Variants in GRM7 observed in about 807,000 individuals in gnomAD.
GRM7 encodes glutamate metabotropic receptor 7, also known as metabotropic glutamate receptor 7.
In GRM7, 35 loss-of-function variants were observed where a neutral mutation model predicts 84.5. That is an observed-to-expected ratio of 0.41 (90% CI 0.32 to 0.55). The LOEUF is 0.55. GRM7 is among the 20% of genes least tolerant of loss of function. The pLI, the probability that GRM7 is intolerant of heterozygous loss-of-function variation, is 0.19. For synonymous variants in GRM7, 487 were observed against 455.1 expected (o/e 1.07, Z -0.89); for missense variants, 1,003 against 1,194.6 (o/e 0.84, Z 2.36).
chr3:7,408,574 A>G (rs1236688104), intron 4 of GRM7, among the ~76,000 whole-genome samples: 2 of 152,136 alleles, frequency 1.3e-5, no homozygotes, highest in African/African-American at 4.8e-5. Context: ...TTTAACTTCA[A>G]TTTACATCAG....
intron 1 of GRM7, among the ~76,000 whole-genome samples, chr3:6,968,670 C>T (rs572191253): frequency 1.3e-5 from 2 of 152,190 alleles, no homozygotes; most frequent in East Asian, 3.9e-4. Context: ...TTTTTCCCTT[C>T]CTTTTCAGAG....
At chr3:7,292,315 G>T (rs1699659854) in intron 2 of GRM7, among the ~76,000 whole-genome samples, 1 of 152,116 alleles carries the variant, frequency 6.6e-6, no homozygotes, top group Non-Finnish European at 1.5e-5. Context: ...AAGACGTGTT[G>T]TATGTACCTT....
intron 1 of GRM7, among the ~76,000 whole-genome samples, chr3:6,927,465 GAAAGAAAGAA>G (rs568881029): frequency 0.11 from 11,922 of 112,480 alleles, 819 homozygotes; most frequent in East Asian, 0.23. Flanking sequence ...AAGAGAGAGA[GAAAGAAAGAA>G]AGAAAGAAAG....
intron 9 of GRM7, among the ~76,000 whole-genome samples, chr3:7,714,143 T>A (rs1358586968): frequency 6.6e-6 from 1 of 152,212 alleles, no homozygotes; most frequent in Admixed American, 6.5e-5. Context: ...CAAAACACTC[T>A]ACAGAGCTGT....
intron 4 of GRM7, among the ~76,000 whole-genome samples, chr3:7,392,588 G>T (rs1695044756): frequency 1.3e-5 from 2 of 152,226 alleles, no homozygotes; most frequent in South Asian, 4.1e-4. Context: ...ACTGTGGCAA[G>T]TGCATTCTGC....
intron 1 of GRM7, among the ~76,000 whole-genome samples, chr3:7,029,582 C>G (rs1242162662): frequency 6.6e-6 from 1 of 152,110 alleles, no homozygotes; most frequent in East Asian, 1.9e-4. Context: ...AAGTACCTTG[C>G]AAAGGGTAAT....
chr3:7,711,339 C>T (rs541151699), intron 9 of GRM7, among the ~76,000 whole-genome samples: 2 of 152,204 alleles, frequency 1.3e-5, no homozygotes, highest in Admixed American at 6.5e-5. Flanking sequence ...ATATGATTCA[C>T]GTACAGCAAG....
intron 9 of GRM7, among the ~76,000 whole-genome samples, chr3:7,716,305 A>C (rs144416079): frequency 6.6e-6 from 1 of 152,338 alleles, no homozygotes; most frequent in African/African-American, 2.4e-5. Context: ...CACTCGTTCC[A>C]TAACTAACTT....
rs771532617 is a variant in GRM7 at position 7,167,893 on chromosome 3, C to T, written c.736+21225C>T. On this transcript the variant is annotated intron_variant, in intron 2 of 9. Transcript: ENST00000357716. Reference sequence around the variant, plus strand: ...CTGAAGCAGGAGAATGGCGTGAACCCGGGAGGTGGAGCTTGCAGTGAGCCA... The same window carrying T: ...CTGAAGCAGGAGAATGGCGTGAACCTGGGAGGTGGAGCTTGCAGTGAGCCA... 5.7e-5 allele frequency among the ~76,000 whole-genome samples: 8 copies of T among 140,756 alleles called. No individual in the cohort carries two copies. The South Asian group carries it at 6.8e-4, about 12-fold the overall frequency. The allele number at this position is 140,756 out of a possible 152,430, so 92.3% of individuals were successfully genotyped here.
chr3:7,064,313 A>G (rs12488861), intron 1 of GRM7, among the ~76,000 whole-genome samples: 25,605 of 149,968 alleles, frequency 0.17, 2,427 homozygotes, highest in Non-Finnish European at 0.21. Context: ...TAGCCCCCAC[A>G]TATCAGTGAG....
chr3:7,425,309 C>G (rs762213497), intron 5 of GRM7, among the ~76,000 whole-genome samples: 4 of 152,082 alleles, frequency 2.6e-5, no homozygotes, highest in Non-Finnish European at 4.4e-5. Context: ...TATGTTCAAA[C>G]TTTGTTATAA....
chr3:7,466,668 A>G (rs1314502473), intron 7 of GRM7, among the ~76,000 whole-genome samples: 1 of 152,240 alleles, frequency 6.6e-6, no homozygotes, highest in African/African-American at 2.4e-5. Context: ...GAAAGGAACT[A>G]TTCTTAATAG....
At chr3:7,325,638 G>T (rs1191312456) in intron 4 of GRM7, among the ~76,000 whole-genome samples, 1 of 152,136 alleles carries the variant, frequency 6.6e-6, no homozygotes, top group African/African-American at 2.4e-5. Flanking sequence ...GTACCAAACT[G>T]TCCAGCACAA....
intron 4 of GRM7, among the ~76,000 whole-genome samples, chr3:7,348,863 A>G (rs184918794): frequency 1.1e-4 from 17 of 152,274 alleles, no homozygotes; most frequent in Admixed American, 7.2e-4. Context: ...CTAGTTCCCT[A>G]TATCCAGCCT....
Position 7,128,667 on chromosome 3 carries a change from C to T in GRM7, c.520-17785C>T, listed in dbSNP as rs1693486292. 1.5e-5 allele frequency among the ~76,000 whole-genome samples: 2 copies of T among 137,180 alleles called. 1 individual carries two copies. Among genetic ancestry groups the T allele is most frequent in the South Asian group, 4.7e-4 (2 of 4,276 alleles). 90.0% of individuals were successfully genotyped at this position (137,180 alleles called of 152,430 possible). A position where few individuals can be genotyped will look rare whatever the true frequency, so the allele number is the denominator to read the frequency against. ...GATTACAGGTACCCACCACCACGCC[C>T]AGCTAATTTTTTCATATTTTAGTAC... On this transcript the variant is annotated intron_variant, in intron 1 of 9. Coordinates refer to ENST00000357716, the MANE Select transcript of GRM7 (RefSeq NM_000844.4).
chr3:7,390,833 C>G (rs1341164896), intron 4 of GRM7, among the ~76,000 whole-genome samples: 1 of 151,918 alleles, frequency 6.6e-6, no homozygotes, highest in Non-Finnish European at 1.5e-5. Flanking sequence ...ATTCTAAGTT[C>G]TATATCTGTC....
At chr3:7,050,971 G>A (rs994986828) in intron 1 of GRM7, among the ~76,000 whole-genome samples, 3 of 151,732 alleles carry the variant, frequency 2.0e-5, no homozygotes, top group African/African-American at 7.3e-5. Context: ...AAGCTCCACA[G>A]GACTGTGAGT....
intron 1 of GRM7, among the ~76,000 whole-genome samples, chr3:6,874,784 G>C (rs946514775): frequency 2.6e-5 from 4 of 152,134 alleles, no homozygotes; most frequent in African/African-American, 9.7e-5. Flanking sequence ...TGACACCCTA[G>C]CCTCAGTACT....
intron 4 of GRM7, among the ~76,000 whole-genome samples, chr3:7,313,611 ATT>A (rs535026089): frequency 6.6e-6 from 1 of 152,116 alleles, no homozygotes; most frequent in African/African-American, 2.4e-5. Flanking sequence ...CAAAATGATG[ATT>A]TTTTTAAAAA....
Sources: gnomAD v4.1 joint callset for allele counts (sites outside exome capture counted in the v4.1 genomes callset) on GRCh38, gnomAD v4.1.1 for gene constraint, MANE v1.5 for transcripts, NCBI Gene and HGNC (gene_info 2026-07-23, HGNC 2026-07-21) for gene names.